CNTN5: variants seen among roughly 807,000 people sequenced by gnomAD.
CNTN5 encodes the protein contactin-5.
In CNTN5, 77 loss-of-function variants were observed where a neutral mutation model predicts 129.1. The ratio of observed to expected loss-of-function variants is 0.60; its 90% CI spans 0.50 to 0.72. CNTN5 has a LOEUF of 0.72. Among genes scored for constraint, CNTN5 ranks in the 30% least tolerant of loss-of-function variants. The probability of loss-of-function intolerance (pLI) is 0.00; values close to 1 mark genes in which losing one functional copy is unlikely to be tolerated. For missense variants in CNTN5, 1,478 were observed against 1,328.8 expected (o/e 1.11, Z -1.75); for synonymous variants, 509 against 465.6 (o/e 1.09, Z -1.20).
In CNTN5 at chr11:99,571,545, A is replaced by G. The variant is rs139570083; in HGVS notation, c.55+15276A>G. Among the ~76,000 whole-genome samples, 544 of 152,320 alleles carry G rather than the reference A, an allele frequency of 3.6e-3. 1 individual carries two copies. The highest frequency in any genetic ancestry group is 0.012 in the African/African-American group (519 of 41,586). The stretch of plus-strand genomic sequence containing the variant: ...ATGGAATGACTAGAATGAGAACTGA[A>G]TTAAAGACTCAGCTATTATTTAGGG... On this transcript the variant is annotated intron_variant, in intron 3 of 24. Transcript: ENST00000524871.
chr11:100,175,877 AG>A (rs1309778381), intron 13 of CNTN5, among the ~76,000 whole-genome samples: 1 of 152,144 alleles, frequency 6.6e-6, no homozygotes, highest in African/African-American at 2.4e-5. Context: ...AGACTTTCAT[AG>A]GTCCTGGGCT....
chr11:99,265,007 A>G (rs1394030905), intron 1 of CNTN5, among the ~76,000 whole-genome samples: 2 of 151,992 alleles, frequency 1.3e-5, no homozygotes, highest in African/African-American at 2.4e-5. Flanking sequence ...GCTACAAAAA[A>G]CAAGCACAAT....
intron 3 of CNTN5, among the ~76,000 whole-genome samples, chr11:99,591,711 G>T (rs1167866562): frequency 6.6e-6 from 1 of 152,120 alleles, no homozygotes; most frequent in African/African-American, 2.4e-5. Context: ...GATATTGTAA[G>T]AATTGTGGAG....
Position 99,637,010 on chromosome 11 carries a change from C to CAAAAAAAAAA in CNTN5, c.55+80763_55+80772dup, listed in dbSNP as rs869133131. Among the ~76,000 whole-genome samples the CAAAAAAAAAA allele has an allele frequency of 3.7e-3, 29 of 7,822 alleles. 7 individuals are homozygous for CAAAAAAAAAA. Among genetic ancestry groups the CAAAAAAAAAA allele is most frequent in the East Asian group, 0.015 (4 of 268 alleles). The allele number at this position is 7,822 out of a possible 152,430, so 5.1% of individuals were successfully genotyped here. A position where few individuals can be genotyped will look rare whatever the true frequency, so the allele number is the denominator to read the frequency against. On this transcript the variant is annotated intron_variant, in intron 3 of 24. Transcript: ENST00000524871. ...CCTGGTGACAGAGCTAACTTTGTCT[C>CAAAAAAAAAA]AAAAAAAAAAAAAAAAAAAAAAAAA...
At chr11:99,637,471 C>G (rs1951605704) in intron 3 of CNTN5, among the ~76,000 whole-genome samples, 1 of 152,130 alleles carries the variant, frequency 6.6e-6, no homozygotes. Context: ...ATTGGGAGAA[C>G]TCACATCCAG....
At chr11:99,299,008 G>A (rs774927023) in intron 1 of CNTN5, among the ~76,000 whole-genome samples, 12 of 152,140 alleles carry the variant, frequency 7.9e-5, no homozygotes, top group Non-Finnish European at 1.6e-4. Flanking sequence ...TCAGCCAGAA[G>A]CCCCTCTTGG....
chr11:99,752,135 C>T (rs76452538), intron 3 of CNTN5, among the ~76,000 whole-genome samples: 5,745 of 152,146 alleles, frequency 0.038, 147 homozygotes, highest in South Asian at 0.099. Context: ...AATTAGAAAC[C>T]GTATGTAATT....
intron 1 of CNTN5, among the ~76,000 whole-genome samples, chr11:99,055,542 A>G: frequency 6.6e-6 from 1 of 151,950 alleles, no homozygotes; most frequent in African/African-American, 2.4e-5. Context: ...TTGGCTGACA[A>G]TGCTACACTC....
At chr11:100,309,723 C>T (rs1047894741) in intron 21 of CNTN5, 5 of 984,264 alleles carry the variant, frequency 5.1e-6, no homozygotes, top group Middle Eastern at 5.2e-4. Context: ...GCACAATTAG[C>T]CCCTTTCTAT....
intron 9 of CNTN5, among the ~76,000 whole-genome samples, chr11:100,045,048 A>T (rs1387493886): frequency 1.3e-5 from 2 of 152,036 alleles, no homozygotes; most frequent in African/African-American, 4.8e-5. Context: ...GAAGTCTTTT[A>T]ACATGCCACC....
chr11:99,822,900 G>A (rs1042737503), intron 4 of CNTN5, among the ~76,000 whole-genome samples: 2 of 152,194 alleles, frequency 1.3e-5, no homozygotes, highest in South Asian at 4.1e-4. Flanking sequence ...CATCTTGTTT[G>A]TCTTTTTTGC....
intron 3 of CNTN5, among the ~76,000 whole-genome samples, chr11:99,586,025 T>A (rs1286781639): frequency 1.3e-5 from 2 of 152,200 alleles, no homozygotes; most frequent in African/African-American, 4.8e-5. Flanking sequence ...TTATAATATA[T>A]CATATCATTT....
intron 3 of CNTN5, among the ~76,000 whole-genome samples, chr11:99,679,922 T>C (rs2134707038): frequency 6.6e-6 from 1 of 152,296 alleles, no homozygotes; most frequent in Non-Finnish European, 1.5e-5. Context: ...AACAGCTGCA[T>C]TCCTGATGTA....
intron 21 of CNTN5, among the ~76,000 whole-genome samples, chr11:100,326,539 C>T (rs1951790595): frequency 6.6e-6 from 1 of 152,178 alleles, no homozygotes; most frequent in African/African-American, 2.4e-5. Flanking sequence ...AAGCTACGCT[C>T]ATTTCTGACC....
At chr11:100,031,084 A>T (rs1263336290) in intron 9 of CNTN5, among the ~76,000 whole-genome samples, 1 of 152,242 alleles carries the variant, frequency 6.6e-6, no homozygotes. Context: ...AAACTCTAGC[A>T]GCTGCTAGCA....
intron 7 of CNTN5, among the ~76,000 whole-genome samples, chr11:99,931,370 T>A (rs1950188276): frequency 6.6e-6 from 1 of 152,186 alleles, no homozygotes; most frequent in Admixed American, 6.5e-5. Context: ...ATATGGAGTT[T>A]GTTTTAGAAT....
intron 2 of CNTN5, among the ~76,000 whole-genome samples, chr11:99,390,166 C>G (rs527537102): frequency 6.6e-6 from 1 of 150,804 alleles, no homozygotes; most frequent in Admixed American, 6.6e-5. Context: ...TGCCCAGGTT[C>G]GAGAACAGTG....
chr11:99,322,907 A>T (rs1865628240), intron 1 of CNTN5, among the ~76,000 whole-genome samples: 1 of 152,232 alleles, frequency 6.6e-6, no homozygotes, highest in Non-Finnish European at 1.5e-5. Context: ...CAGCAAAACT[A>T]TACAAGATAA....
chr11:99,905,940 TTGTC>T (rs1949492439), intron 6 of CNTN5, among the ~76,000 whole-genome samples: 1 of 152,148 alleles, frequency 6.6e-6, no homozygotes, highest in South Asian at 2.1e-4. Flanking sequence ...GGCTCTCTGT[TTGTC>T]TGTTATTGGT....
Sources: gnomAD v4.1 joint callset for allele counts (sites outside exome capture counted in the v4.1 genomes callset) on GRCh38, gnomAD v4.1.1 for gene constraint, MANE v1.5 for transcripts, NCBI Gene and HGNC (gene_info 2026-07-23, HGNC 2026-07-21) for gene names.